Variants in ARHGAP20 observed in about 807,000 individuals in gnomAD.
ARHGAP20 encodes rho GTPase-activating protein 20.
In ARHGAP20, 34 loss-of-function variants were observed where a neutral mutation model predicts 73.7. The observed-to-expected ratio is 0.46, with a 90% CI of 0.35 to 0.61. ARHGAP20 has a LOEUF of 0.61. Ranked by LOEUF, ARHGAP20 falls within the 20% of genes least tolerant of loss-of-function variation. ARHGAP20 has a pLI of 0.00. For synonymous variants in ARHGAP20, 523 were observed against 518.2 expected (o/e 1.01, Z -0.13); for missense variants, 1,314 against 1,420.9 (o/e 0.92, Z 1.21).
intron 2 of ARHGAP20, among the ~76,000 whole-genome samples, chr11:110,662,154 A>C (rs1591152859): frequency 6.6e-6 from 1 of 151,982 alleles, no homozygotes; most frequent in East Asian, 1.9e-4. Context: ...TATATATAAA[A>C]TTCATAGTTG....
At chr11:110,683,992 C>T (rs1413553030) in intron 2 of ARHGAP20, among the ~76,000 whole-genome samples, 2 of 152,138 alleles carry the variant, frequency 1.3e-5, no homozygotes, top group East Asian at 1.9e-4. Flanking sequence ...TGTGAGGACA[C>T]AGTAAGAGAT....
Position 110,586,262 on chromosome 11 carries a change from C to G in ARHGAP20, c.1369G>C (p.Val457Leu). The change falls in exon 12 of 15, where the codon GTA (valine) becomes CTA (leucine). Residue 457 changes from valine (V) to leucine (L), a missense_variant. By Grantham distance (32) the Val-to-Leu change is conservative. Around this residue, in one of 3 missense-constraint regions of ARHGAP20, gnomAD observed 230 missense variants for 317.6 expected, o/e 0.72. Transcript: ENST00000683387. ...SSDLYDHWVS[V>L]MDQGNDEEKI... Reference sequence around the variant, plus strand: ...TCTTCATCATTTCCTTGATCCATTACAGAGACCCAGTGATCATAGAGATCT... The same window carrying G: ...TCTTCATCATTTCCTTGATCCATTAGAGAGACCCAGTGATCATAGAGATCT... 1 of 1,575,558 alleles carries G rather than the reference C, an allele frequency of 6.3e-7. No homozygotes were observed. Among genetic ancestry groups the G allele is most frequent in the Non-Finnish European group, 8.6e-7 (1 of 1,160,118 alleles).
At chr11:110,594,646 G>A (rs986274536) in intron 9 of ARHGAP20, among the ~76,000 whole-genome samples, 2 of 151,882 alleles carry the variant, frequency 1.3e-5, no homozygotes, top group African/African-American at 2.4e-5. Flanking sequence ...AAACAAAAAC[G>A]GAAAAGGACC....
chr11:110,609,158 CAGTGATAGTT>C (rs1283194916), intron 7 of ARHGAP20, 108 bp from the exon 8 acceptor site: 4 of 885,066 alleles, frequency 4.5e-6, no homozygotes, highest in Non-Finnish European at 7.2e-6. Flanking sequence ...GCCCCCTACC[CAGTGATAGTT>C]AGAGATCCAT....
At chr11:110,597,279 T>A in intron 9 of ARHGAP20, among the ~76,000 whole-genome samples, 2 of 140,300 alleles carry the variant, frequency 1.4e-5, no homozygotes, top group African/African-American at 2.8e-5. Context: ...CCCTAAAGTA[T>A]AATAATAATA....
At chr11:110,692,365 G>C (rs75677769) in intron 1 of ARHGAP20, among the ~76,000 whole-genome samples, 2,582 of 152,182 alleles carry the variant, frequency 0.017, 52 homozygotes, top group African/African-American at 0.046. Flanking sequence ...GCAGGGTTCT[G>C]TTTCACCTTC....
intron 4 of ARHGAP20, 55 bp downstream of exon 4, chr11:110,624,107 A>G: frequency 6.4e-7 from 1 of 1,560,446 alleles, no homozygotes; most frequent in Non-Finnish European, 8.6e-7. Flanking sequence ...TTTCAATCCT[A>G]GAAATTATCA....
At chr11:110,593,681 G>C (rs1947883001) in intron 9 of ARHGAP20, among the ~76,000 whole-genome samples, 1 of 152,368 alleles carries the variant, frequency 6.6e-6, no homozygotes, top group South Asian at 2.1e-4. Context: ...CAGCTGGAAA[G>C]TGAGGGGGGA....
At chr11:110,663,793 A>G (rs951596543) in intron 2 of ARHGAP20, among the ~76,000 whole-genome samples, 3 of 152,162 alleles carry the variant, frequency 2.0e-5, no homozygotes, top group African/African-American at 7.2e-5. Flanking sequence ...AAGACATTAT[A>G]CCAAAAGAAA....
intron 11 of ARHGAP20, among the ~76,000 whole-genome samples, chr11:110,587,583 C>T (rs1947704248): frequency 6.6e-6 from 1 of 152,168 alleles, no homozygotes; most frequent in African/African-American, 2.4e-5. Context: ...GGGACAGACC[C>T]TTCTTTGTAC....
intron 2 of ARHGAP20, among the ~76,000 whole-genome samples, chr11:110,662,148 T>C (rs1949627506): frequency 6.6e-6 from 1 of 151,818 alleles, no homozygotes; most frequent in Non-Finnish European, 1.5e-5. Flanking sequence ...AATATATATA[T>C]ATAAAATTCA....
At chr11:110,619,996 A>G (rs1335789312) in intron 4 of ARHGAP20, among the ~76,000 whole-genome samples, 1 of 152,148 alleles carries the variant, frequency 6.6e-6, no homozygotes, top group Non-Finnish European at 1.5e-5. Context: ...TGTCAGTCTT[A>G]GATTTCAATG....
At position 110,615,579 on chromosome 11, in the gene ARHGAP20, C is replaced by T. The variant is rs1948465779; in HGVS notation, c.519G>A (p.Lys173=). ...TCTGAAGGAGAGAGAGCCATTTGTC[C>T]TTTTGTTCTGGAGAACTGCAATCAA... ...FVATFSSPEQ[K]DKWLSLLQRY... Residue 173 remains lysine (K), a synonymous_variant, in exon 5 of 15, where the codon AAG becomes AAA. Transcript: ENST00000683387. 4.3e-6 allele frequency: 7 copies of T among 1,612,124 alleles called. No homozygotes were observed. In the East Asian group the frequency reaches 1.6e-4, roughly 36 times the overall value.
At chr11:110,601,763 C>A (rs192520225) in intron 9 of ARHGAP20, among the ~76,000 whole-genome samples, 102 of 152,182 alleles carry the variant, frequency 6.7e-4, no homozygotes, top group African/African-American at 2.4e-3. Context: ...GCGGGTGGAT[C>A]GCCTGAGGTC....
At position 110,694,325 on chromosome 11, in the gene ARHGAP20, G is replaced by C. The variant is rs77697403; in HGVS notation, c.106-3696C>G. 8.5e-3 allele frequency among the ~76,000 whole-genome samples: 1,289 copies of C among 151,844 alleles called. 20 individuals carry two copies. The highest frequency in any genetic ancestry group is 0.03 in the African/African-American group (1,235 of 41,468). On this transcript the variant is annotated intron_variant, in intron 1 of 14. Transcript: ENST00000683387. Reference sequence around the variant, plus strand: ...TTAGGAAAGTATAACATGAATACTAGAGAGAAATTATTAGGTTGGTGTACA... The same window carrying C: ...TTAGGAAAGTATAACATGAATACTACAGAGAAATTATTAGGTTGGTGTACA...
chr11:110,676,559 A>G (rs1949933926), intron 2 of ARHGAP20, among the ~76,000 whole-genome samples: 1 of 152,184 alleles, frequency 6.6e-6, no homozygotes. Context: ...ATTACCTCTC[A>G]CCAGTTCCCT....
chr11:110,648,315 T>C (rs565870760), intron 2 of ARHGAP20, among the ~76,000 whole-genome samples: 1 of 135,650 alleles, frequency 7.4e-6, no homozygotes, highest in East Asian at 2.1e-4. Flanking sequence ...TATGTGTATA[T>C]GTCTATATGC....
intron 2 of ARHGAP20, among the ~76,000 whole-genome samples, chr11:110,633,697 T>G (rs1948905330): frequency 6.6e-6 from 1 of 152,178 alleles, no homozygotes; most frequent in African/African-American, 2.4e-5. Context: ...CATAACCCGT[T>G]GTAAGTCGAG....
In ARHGAP20 at chr11:110,624,102, A is replaced by G. The variant is rs931012848; in HGVS notation, c.503+60T>C. 4 of 1,552,234 alleles carry G rather than the reference A, an allele frequency of 2.6e-6. 1 individual carries two copies. The South Asian group carries it at 3.7e-5, about 14-fold the overall frequency. On this transcript the variant is annotated intron_variant, in intron 4 of 14. Transcript: ENST00000683387. ...CATTTGATTAATTTTTAAAATTTCA[A>G]TCCTAGAAATTATCATAGTAGCTAA...
Sources: gnomAD v4.1 joint callset for allele counts (sites outside exome capture counted in the v4.1 genomes callset) on GRCh38, gnomAD v4.1.1 for gene constraint, gnomAD v4.1.1 regional missense constraint, MANE v1.5 for transcripts, NCBI Gene and HGNC (gene_info 2026-07-23, HGNC 2026-07-21) for gene names.